The following USH2A variants were observed in gnomAD, a reference collection of about 807,000 sequenced individuals.
USH2A encodes Usher syndrome 2A (autosomal recessive, mild).
USH2A carries 443 observed loss-of-function variants against 538.9 expected under a neutral mutation model. The observed-to-expected ratio is 0.82, with a 90% CI of 0.76 to 0.89. The LOEUF (loss-of-function observed/expected upper bound fraction) is 0.89, where lower values mean the gene tolerates loss of function less well. Among genes scored for constraint, USH2A ranks in the 40% least tolerant of loss-of-function variants. The pLI, the probability that USH2A is intolerant of heterozygous loss-of-function variation, is 0.00. For synonymous variants in USH2A, 2,413 were observed against 2,273.5 expected (o/e 1.06, Z -1.75); for missense variants, 6,633 against 6,324.8 (o/e 1.05, Z -1.65).
At chr1:216,051,670 G>A (rs2030789604) in intron 30 of USH2A, among the ~76,000 whole-genome samples, 1 of 152,194 alleles carries the variant, frequency 6.6e-6, no homozygotes, top group African/African-American at 2.4e-5. Context: ...GTGAAAAGCA[G>A]CACCCTTCAT....
chr1:216,399,857 T>A (rs142776515), intron 3 of USH2A, among the ~76,000 whole-genome samples: 1 of 152,118 alleles, frequency 6.6e-6, no homozygotes, highest in South Asian at 2.1e-4. Context: ...TGCTGGATGA[T>A]GTTGGCAGTG....
chr1:215,972,341 C>T (rs1242996293), intron 35 of USH2A, among the ~76,000 whole-genome samples: 3 of 152,138 alleles, frequency 2.0e-5, no homozygotes, highest in South Asian at 2.1e-4. Context: ...TCTGCCTCTT[C>T]GGTAGTGGAA....
In USH2A at chr1:216,070,246, T is replaced by A. The variant is rs767671817; in HGVS notation, c.5904A>T (p.Gly1968=). ...PTPSRVRSLN[G]YSIEVTWDEP... ...CATCCCAGGTCACCTCAATGCTGTA[T>A]CCATTTAAGCTGCGGACTCTTGAGG... Residue 1968 remains glycine (G), a synonymous_variant, in exon 30 of 72, where the codon GGA becomes GGT. Coordinates refer to ENST00000307340, the MANE Select transcript of USH2A (RefSeq NM_206933.4). 4 of 1,613,994 alleles carry A rather than the reference T, an allele frequency of 2.5e-6. No individual in the cohort carries two copies. In the Admixed American group the frequency reaches 5.0e-5, roughly 20 times the overall value.
At chr1:216,203,460 G>A (rs1193878260) in intron 16 of USH2A, among the ~76,000 whole-genome samples, 1 of 151,922 alleles carries the variant, frequency 6.6e-6, no homozygotes, top group Admixed American at 6.6e-5. Context: ...TTGTACTGTA[G>A]ACTCACCTAT....
intron 3 of USH2A, among the ~76,000 whole-genome samples, chr1:216,379,831 C>G (rs2038898688): frequency 1.3e-5 from 2 of 152,182 alleles, no homozygotes; most frequent in African/African-American, 4.8e-5. Context: ...CCCCAGAGGG[C>G]TACACCACTT....
intron 35 of USH2A, among the ~76,000 whole-genome samples, chr1:215,986,168 G>A (rs1460684438): frequency 6.6e-6 from 1 of 152,068 alleles, no homozygotes; most frequent in East Asian, 1.9e-4. Flanking sequence ...CACCCAGGCT[G>A]AAGTGCAGTG....
At chr1:216,181,589 A>C (rs2034495346) in intron 20 of USH2A, among the ~76,000 whole-genome samples, 1 of 152,100 alleles carries the variant, frequency 6.6e-6, no homozygotes. Context: ...CAAAACTACC[A>C]TCCTACACAT....
At chr1:215,876,615 A>G (rs911739730) in intron 43 of USH2A, among the ~76,000 whole-genome samples, 2 of 152,180 alleles carry the variant, frequency 1.3e-5, no homozygotes, top group Admixed American at 1.3e-4. Context: ...TGGTGTTTAG[A>G]CAAGCAGTCA....
intron 4 of USH2A, among the ~76,000 whole-genome samples, chr1:216,333,929 C>G (rs577091246): frequency 6.6e-6 from 1 of 152,054 alleles, no homozygotes; most frequent in South Asian, 2.1e-4. Flanking sequence ...GGTTTTATCA[C>G]TATCAGACTT....
chr1:215,997,355 T>C (rs1418917707), intron 34 of USH2A, among the ~76,000 whole-genome samples: 2 of 152,118 alleles, frequency 1.3e-5, no homozygotes, highest in Admixed American at 6.6e-5. Context: ...CTCCATAGAA[T>C]AGTGTTTGGG....
At chr1:215,756,663 T>C (rs544827944) in intron 58 of USH2A, among the ~76,000 whole-genome samples, 1 of 152,266 alleles carries the variant, frequency 6.6e-6, no homozygotes, top group East Asian at 1.9e-4. Context: ...CAGTGGCTCA[T>C]GCCCGTAATC....
At chr1:216,236,582 T>C (rs2035821745) in intron 13 of USH2A, among the ~76,000 whole-genome samples, 1 of 152,188 alleles carries the variant, frequency 6.6e-6, no homozygotes. Context: ...AAATATCTTC[T>C]ATCCTCTAAA....
chr1:215,769,872 T>A (rs1661231507), intron 55 of USH2A, among the ~76,000 whole-genome samples: 1 of 152,092 alleles, frequency 6.6e-6, no homozygotes, highest in South Asian at 2.1e-4. Context: ...GTGGGAGACA[T>A]GTCTGCAAGT....
intron 55 of USH2A, among the ~76,000 whole-genome samples, chr1:215,769,038 C>T (rs1174229062): frequency 6.6e-6 from 1 of 152,148 alleles, no homozygotes; most frequent in African/African-American, 2.4e-5. Context: ...AAGGTCCTTC[C>T]TCATAATTCC....
chr1:216,219,198 A>C (rs1042885393), intron 14 of USH2A, among the ~76,000 whole-genome samples: 2 of 152,024 alleles, frequency 1.3e-5, no homozygotes, highest in African/African-American at 4.8e-5. Context: ...AAAGCACGCA[A>C]TGTTTTGAGC....
chr1:215,837,901 G>A, intron 47 of USH2A, 90 bp downstream of exon 47: 1 of 1,060,054 alleles, frequency 9.4e-7, no homozygotes, highest in Non-Finnish European at 1.5e-6. Context: ...CATTAAATGA[G>A]ATTGTCATGG....
intron 3 of USH2A, among the ~76,000 whole-genome samples, chr1:216,379,497 T>C (rs1050713245): frequency 6.6e-6 from 1 of 152,048 alleles, no homozygotes; most frequent in Non-Finnish European, 1.5e-5. Flanking sequence ...GTAAGAAGTA[T>C]ATACAAGTGC....
At chr1:215,691,354 C>T (rs1272657009) in intron 61 of USH2A, among the ~76,000 whole-genome samples, 1 of 152,142 alleles carries the variant, frequency 6.6e-6, no homozygotes, top group Non-Finnish European at 1.5e-5. Context: ...CTGACATTGT[C>T]TCCTATCATT....
At chr1:215,747,430 G>A (rs1231623596) in intron 58 of USH2A, among the ~76,000 whole-genome samples, 2 of 152,044 alleles carry the variant, frequency 1.3e-5, no homozygotes, top group African/African-American at 2.4e-5. Context: ...ACCACTCCAC[G>A]ACAAAACTGG....
Sources: allele counts gnomAD v4.1 joint callset (sites outside exome capture counted in the v4.1 genomes callset), GRCh38; gene constraint gnomAD v4.1.1; transcripts MANE v1.5; gene names NCBI Gene and HGNC (gene_info 2026-07-23, HGNC 2026-07-21).